FBXO34: variants seen among roughly 807,000 people sequenced by gnomAD.
FBXO34 encodes the protein F-box only protein 34.
Under a neutral mutation model 24.5 loss-of-function variants are expected in FBXO34, and 12 were observed. The ratio of observed to expected loss-of-function variants is 0.49; its 90% CI spans 0.31 to 0.79. The LOEUF (loss-of-function observed/expected upper bound fraction) is 0.79. FBXO34 is among the 30% of genes least tolerant of loss of function. The pLI is 0.04. For missense variants in FBXO34, 823 were observed against 857.7 expected (o/e 0.96, Z 0.51); for synonymous variants, 320 against 311.9 (o/e 1.03, Z -0.27).
the FBXO34 span, chr14:55,380,700 G>T: frequency 6.4e-7 from 1 of 1,559,224 alleles, no homozygotes; most frequent in Non-Finnish European, 8.8e-7. Context: ...TCTGCAGTAA[G>T]AAAACAACCA....
the FBXO34 span, among the ~76,000 whole-genome samples, chr14:55,405,889 C>T: frequency 1.3e-4 from 5 of 39,852 alleles, no homozygotes; most frequent in South Asian, 2.4e-3. Context: ...GGTGGGGTGG[C>T]GGGGGGGGCA....
the FBXO34 span, among the ~76,000 whole-genome samples, chr14:55,411,182 T>G: frequency 6.6e-6 from 1 of 152,226 alleles, no homozygotes. Context: ...AGCAGTTATT[T>G]GATTCTCTTC....
chr14:55,336,868 GCACACACACA>G (rs3051328), intron 1 of FBXO34, among the ~76,000 whole-genome samples: 4 of 144,206 alleles, frequency 2.8e-5, no homozygotes, highest in Non-Finnish European at 6.1e-5. Context: ...ATACATGCAC[GCACACACACA>G]CACACACACA....
the FBXO34 span, among the ~76,000 whole-genome samples, chr14:55,388,432 TCC>T: frequency 6.6e-6 from 1 of 152,156 alleles, no homozygotes; most frequent in African/African-American, 2.4e-5. Context: ...CCCTACCATC[TCC>T]CCATAAACAT....
In FBXO34 at chr14:55,351,539, CAT is replaced by C; in HGVS notation, c.1151_1152del (p.Ile384ArgfsTer20). 1 of 1,614,140 alleles carries C rather than the reference CAT, an allele frequency of 6.2e-7. No homozygotes were observed. Among genetic ancestry groups the C allele is most frequent in the Non-Finnish European group, 8.5e-7 (1 of 1,180,040 alleles). ...PPLPAGVSFHIDSAELEPGSQ... is the reference protein window; with the variant it reads ...PPLPAGVSFHXDSAELEPGSQ... ...CATTGCCAGCAGGAGTGAGTTTCCACATAGACAGTGCAGAGTTAGAGCCGGGT... is the reference window on the plus strand; with the variant it reads ...CATTGCCAGCAGGAGTGAGTTTCCACAGACAGTGCAGAGTTAGAGCCGGGT... On this transcript the variant is annotated frameshift_variant, in exon 2 of 2. Transcript: ENST00000313833. LOFTEE classifies it high-confidence loss of function.
At chr14:55,312,073 G>A (rs145762560) in intron 1 of FBXO34, among the ~76,000 whole-genome samples, 150 of 151,256 alleles carry the variant, frequency 9.9e-4, no homozygotes, top group African/African-American at 3.5e-3. Context: ...GGTGGCATGC[G>A]CTTGTAATCC....
At chr14:55,406,395 T>G in the FBXO34 span, among the ~76,000 whole-genome samples, 1 of 152,150 alleles carries the variant, frequency 6.6e-6, no homozygotes, top group African/African-American at 2.4e-5. Context: ...TTTTCTACAG[T>G]TAGTGAGGGG....
At chr14:55,424,117 G>A in the FBXO34 span, 3 of 1,392,372 alleles carry the variant, frequency 2.2e-6, no homozygotes, top group Non-Finnish European at 3.1e-6. Flanking sequence ...CACATGCATA[G>A]CAATTACATT....
chr14:55,432,858 C>T, the FBXO34 span, among the ~76,000 whole-genome samples: 70 of 152,252 alleles, frequency 4.6e-4, no homozygotes, highest in East Asian at 4.2e-3. Flanking sequence ...GCTTCCTCTG[C>T]GTGAGATCCA....
the FBXO34 span, chr14:55,433,690 T>C: frequency 2.0e-5 from 33 of 1,613,954 alleles, no homozygotes; most frequent in Non-Finnish European, 2.7e-5. Flanking sequence ...TGTCCTGGGC[T>C]CTCGGATCCT....
At chr14:55,356,604 C>T (rs117376143), downstream of FBXO34, among the ~76,000 whole-genome samples, 8,841 of 150,860 alleles carry the variant, frequency 0.059, 324 homozygotes, top group South Asian at 0.09. Context: ...TGCGCCACCA[C>T]GTGGGCCCAG....
intron 1 of FBXO34, among the ~76,000 whole-genome samples, chr14:55,315,891 CT>C (rs2140010516): frequency 6.6e-6 from 1 of 152,306 alleles, no homozygotes; most frequent in East Asian, 1.9e-4. Context: ...CTGGCAACTA[CT>C]TTTGCATTAT....
At chr14:55,359,132 G>A (rs1369521000) in intron 3 of FBXO34, among the ~76,000 whole-genome samples, 1 of 152,150 alleles carries the variant, frequency 6.6e-6, no homozygotes, top group African/African-American at 2.4e-5. Flanking sequence ...AGGGGCAAAT[G>A]TGAACCAGAA....
the FBXO34 span, among the ~76,000 whole-genome samples, chr14:55,428,029 C>T: frequency 1.2e-5 from 1 of 80,102 alleles, no homozygotes; most frequent in Non-Finnish European, 2.3e-5. Flanking sequence ...CGTGCTACAG[C>T]ATTCTTTTTT....
At chr14:55,355,511 AC>A (rs1884507362), downstream of FBXO34, among the ~76,000 whole-genome samples, 2 of 152,352 alleles carry the variant, frequency 1.3e-5, no homozygotes, top group African/African-American at 4.8e-5. Flanking sequence ...TCAGAAAAAA[AC>A]ATTGTGTTTG....
chr14:55,367,980 A>G (rs1884720171), exon 3 of FBXO34: 1 of 152,584 alleles, frequency 6.6e-6, no homozygotes, highest in Non-Finnish European at 1.5e-5. Context: ...GGCATGGCAA[A>G]CCTCTGAATG....
chr14:55,340,059 A>G (rs1883938190), intron 1 of FBXO34, among the ~76,000 whole-genome samples: 1 of 152,152 alleles, frequency 6.6e-6, no homozygotes. Context: ...TGCTATAAGC[A>G]AACTATTATT....
At chr14:55,321,910 G>A (rs562673229) in intron 1 of FBXO34, among the ~76,000 whole-genome samples, 3 of 152,248 alleles carry the variant, frequency 2.0e-5, no homozygotes, top group South Asian at 4.2e-4. Context: ...GTTTAAAATT[G>A]TTTTTGAAAT....
the FBXO34 span, among the ~76,000 whole-genome samples, chr14:55,440,098 AAATCAATC>A: frequency 4.8e-3 from 726 of 151,348 alleles, 1 homozygote; most frequent in Non-Finnish European, 6.3e-3. Context: ...TCTCAGAGAA[AAATCAATC>A]AATCAATCAA....
Sources: allele counts gnomAD v4.1 joint callset (sites outside exome capture counted in the v4.1 genomes callset), GRCh38; gene constraint gnomAD v4.1.1; transcripts MANE v1.5; gene names NCBI Gene and HGNC (gene_info 2026-07-23, HGNC 2026-07-21).